Variants in CEP63 observed in about 807,000 individuals in gnomAD.
CEP63 encodes the protein centrosomal protein of 63 kDa.
Under a neutral mutation model 89.1 loss-of-function variants are expected in CEP63, and 84 were observed. The observed-to-expected ratio is 0.94, with a 90% CI of 0.79 to 1.13. The LOEUF is 1.13. Among genes scored for constraint, CEP63 ranks in the 50% most tolerant of loss-of-function variants. CEP63 has a pLI of 0.00. For synonymous variants in CEP63, 267 were observed against 272.5 expected (o/e 0.98, Z 0.20); for missense variants, 838 against 813.3 (o/e 1.03, Z -0.37).
chr3:134,619,371 C>G, the CEP63 span: 1 of 818,942 alleles, frequency 1.2e-6, no homozygotes, highest in Admixed American at 1.9e-5. Context: ...CAGGAAACTA[C>G]AGTGGGCTGA....
At chr3:134,516,462 C>T (rs939232932) in intron 3 of CEP63, among the ~76,000 whole-genome samples, 73 of 152,214 alleles carry the variant, frequency 4.8e-4, no homozygotes, top group Non-Finnish European at 8.8e-5. Context: ...TTTACTAATC[C>T]TCCTCAGCAC....
the CEP63 span, among the ~76,000 whole-genome samples, chr3:134,653,404 G>C: frequency 6.6e-6 from 1 of 152,210 alleles, no homozygotes; most frequent in African/African-American, 2.4e-5. Flanking sequence ...AGATGCTGCT[G>C]CCCCTGGATC....
chr3:134,674,555 T>A, the CEP63 span, among the ~76,000 whole-genome samples: 1 of 151,956 alleles, frequency 6.6e-6, no homozygotes, highest in Non-Finnish European at 1.5e-5. Flanking sequence ...CTCTTACCAT[T>A]GCTACTTTAA....
Position 134,547,363 on chromosome 3 carries a change from A to C in CEP63, c.958A>C (p.Lys320Gln). ...RPREESLAEKKYTSQGQGDLD... is the reference protein window; with the variant it reads ...RPREESLAEKQYTSQGQGDLD... Reference sequence around the variant, plus strand: ...ACGGGAAGAATCTCTGGCAGAAAAGAAGTACACCTCTCAAGGGCAGGGGGA... The same window carrying C: ...ACGGGAAGAATCTCTGGCAGAAAAGCAGTACACCTCTCAAGGGCAGGGGGA... The change falls in exon 9 of 15, where the codon AAG (lysine) becomes CAG (glutamine). Residue 320 changes from lysine to glutamine, a missense_variant. Physicochemically the swap from Lys to Gln is moderately conservative, Grantham distance 53. Transcript: ENST00000675561. 6.2e-7 allele frequency: 1 copy of C among 1,613,748 alleles called. No homozygotes were observed. The highest frequency in any genetic ancestry group is 1.3e-5 in the African/African-American group (1 of 75,046).
intron 3 of CEP63, among the ~76,000 whole-genome samples, chr3:134,526,070 A>G (rs914620086): frequency 6.6e-6 from 1 of 152,122 alleles, no homozygotes; most frequent in Admixed American, 6.5e-5. Flanking sequence ...AGGGACACCA[A>G]TGAGTTGTAG....
At chr3:134,489,857 T>C (rs550141371) in intron 1 of CEP63, among the ~76,000 whole-genome samples, 7 of 152,344 alleles carry the variant, frequency 4.6e-5, no homozygotes, top group African/African-American at 7.2e-5. Flanking sequence ...CATGAACTTA[T>C]AGACTTTATA....
At chr3:134,731,431 A>G in the CEP63 span, among the ~76,000 whole-genome samples, 1 of 152,208 alleles carries the variant, frequency 6.6e-6, no homozygotes, top group South Asian at 2.1e-4. Context: ...TCCCAATGCA[A>G]TAAAATGAGA....
intron 3 of CEP63, among the ~76,000 whole-genome samples, chr3:134,520,799 C>T (rs891542256): frequency 3.9e-5 from 6 of 152,108 alleles, no homozygotes; most frequent in Non-Finnish European, 8.8e-5. Context: ...CAATACATGT[C>T]ACTGGATCAA....
At chr3:134,674,446 G>A in the CEP63 span, among the ~76,000 whole-genome samples, 3 of 152,014 alleles carry the variant, frequency 2.0e-5, no homozygotes, top group South Asian at 2.1e-4. Context: ...TTTTTAATTT[G>A]ATGAAAAAAA....
At chr3:134,744,167 G>A in the CEP63 span, among the ~76,000 whole-genome samples, 24 of 152,242 alleles carry the variant, frequency 1.6e-4, no homozygotes, top group African/African-American at 4.3e-4. Flanking sequence ...GTAGATAGCC[G>A]GGAGGAGGTG....
chr3:134,555,879 C>A (rs1245419071), intron 12 of CEP63, among the ~76,000 whole-genome samples: 2 of 151,984 alleles, frequency 1.3e-5, no homozygotes, highest in Admixed American at 1.3e-4. Context: ...AACTATACTA[C>A]AAGGCTACAG....
chr3:134,542,560 C>T (rs992513456), intron 6 of CEP63, among the ~76,000 whole-genome samples: 5 of 152,170 alleles, frequency 3.3e-5, no homozygotes, highest in Non-Finnish European at 7.3e-5. Context: ...AATGGCCGTA[C>T]CTTCATACTG....
chr3:134,741,645 G>A, the CEP63 span, among the ~76,000 whole-genome samples: 6 of 152,256 alleles, frequency 3.9e-5, no homozygotes, highest in Admixed American at 2.6e-4. Flanking sequence ...TTAAACAATC[G>A]TGTCCTTTGA....
At chr3:134,770,812 A>G in the CEP63 span, among the ~76,000 whole-genome samples, 30 of 152,300 alleles carry the variant, frequency 2.0e-4, no homozygotes, top group South Asian at 5.6e-3. Context: ...TAATAGTATC[A>G]TCAGGCCCAC....
At chr3:134,597,783 C>G in the CEP63 span, 1 of 152,358 alleles carries the variant, frequency 6.6e-6, no homozygotes, top group Non-Finnish European at 1.5e-5. Flanking sequence ...CTTCCCCCCT[C>G]CCTTTTAACT....
Position 134,558,329 on chromosome 3 carries a change from T to TC in CEP63, c.1656dup (p.Lys553GlnfsTer15), listed in dbSNP as rs777338436. On this transcript the variant is annotated frameshift_variant, in exon 13 of 15. Coordinates refer to ENST00000675561, the MANE Select transcript of CEP63 (RefSeq NM_001353108.3). LOFTEE classifies it high-confidence loss of function. Reference sequence around the variant, plus strand: ...CCAACACACAGCAGAACAACTGAGTTCAAGAATACAGAGTTCAAGTAAAAT... The same window carrying TC: ...CCAACACACAGCAGAACAACTGAGTTCCAAGAATACAGAGTTCAAGTAAAAT... 6.2e-7 allele frequency: 1 copy of TC among 1,612,118 alleles called. No individual in the cohort carries two copies.
At chr3:134,662,453 T>C in the CEP63 span, among the ~76,000 whole-genome samples, 1 of 152,066 alleles carries the variant, frequency 6.6e-6, no homozygotes, top group Admixed American at 6.5e-5. Flanking sequence ...GCAGCCCAAA[T>C]GAACTAAGAC....
the CEP63 span, among the ~76,000 whole-genome samples, chr3:134,706,402 G>A: frequency 1.3e-5 from 2 of 152,170 alleles, no homozygotes; most frequent in African/African-American, 2.4e-5. Context: ...AAATGGGTAT[G>A]TTTGGACTTG....
At chr3:134,611,004 G>C in the CEP63 span, among the ~76,000 whole-genome samples, 19 of 152,342 alleles carry the variant, frequency 1.2e-4, 1 homozygote, top group East Asian at 1.9e-3. Flanking sequence ...CCCTGGCCCA[G>C]GGAGGACTGG....
Sources: gnomAD v4.1 joint callset for allele counts (sites outside exome capture counted in the v4.1 genomes callset) on GRCh38, gnomAD v4.1.1 for gene constraint, MANE v1.5 for transcripts, NCBI Gene and HGNC (gene_info 2026-07-23, HGNC 2026-07-21) for gene names.